TFDP2: variants seen among roughly 807,000 people sequenced by gnomAD.
The protein encoded by TFDP2 is transcription factor Dp-2.
TFDP2 carries 17 observed loss-of-function variants against 59.3 expected under a neutral mutation model. The ratio of observed to expected loss-of-function variants is 0.29; its 90% CI spans 0.20 to 0.43. The LOEUF is 0.43. TFDP2 is among the 20% of genes least tolerant of loss of function. The pLI is 1.00. For synonymous variants in TFDP2, 180 were observed against 194.7 expected, an observed-to-expected ratio of 0.92 and a Z score of 0.63; for missense variants, 391 against 528.8, an observed-to-expected ratio of 0.74 and a Z score of 2.56.
chr3:141,988,167 A>T (rs1942338921), intron 6 of TFDP2, among the ~76,000 whole-genome samples: 1 of 152,022 alleles, frequency 6.6e-6, no homozygotes, highest in African/African-American at 2.4e-5. Flanking sequence ...GCTAGTCTCG[A>T]ATTCTTGGGC....
chr3:142,076,814 A>C (rs868684373), intron 3 of TFDP2, among the ~76,000 whole-genome samples: 48 of 152,344 alleles, frequency 3.2e-4, no homozygotes, highest in Admixed American at 5.2e-4. Flanking sequence ...GCCTCTACCC[A>C]TGGTCCCTCC....
In TFDP2 at chr3:141,949,807, AT is replaced by A. The variant is rs759658026; in HGVS notation, c.*2705del. The A allele has an allele frequency of 3.5e-4, 34 of 98,010 alleles. No homozygotes were observed. Among genetic ancestry groups the A allele is most frequent in the East Asian group, 1.2e-3 (4 of 3,256 alleles). The allele number at this position is 98,010 out of a possible 1,614,324, so 6.1% of individuals were successfully genotyped here. A position where few individuals can be genotyped will look rare whatever the true frequency, so the allele number is the denominator to read the frequency against. On this transcript the variant is annotated 3_prime_UTR_variant, in exon 13 of 13. Coordinates refer to ENST00000489671, the MANE Select transcript of TFDP2 (RefSeq NM_001178139.2). The stretch of plus-strand genomic sequence containing the variant: ...CCTGGGCATTGTGACCACAACTTCC[AT>A]TTTTTTTTTTTTTTTTTTTGAGACA...
intron 4 of TFDP2, among the ~76,000 whole-genome samples, chr3:141,996,609 T>C (rs545024675): frequency 1.3e-5 from 2 of 152,350 alleles, no homozygotes; most frequent in Non-Finnish European, 1.5e-5. Context: ...ACTTGCTCCA[T>C]ACATAACTGA....
At chr3:141,978,801 T>A in intron 6 of TFDP2, 119 bp from the exon 7 acceptor site, 1 of 721,446 alleles carries the variant, frequency 1.4e-6, no homozygotes, top group Non-Finnish European at 2.1e-6. Context: ...GTCAAAAATT[T>A]AAATTGAATA....
At chr3:142,048,717 C>T (rs1038523934) in intron 3 of TFDP2, among the ~76,000 whole-genome samples, 6 of 152,076 alleles carry the variant, frequency 3.9e-5, no homozygotes, top group African/African-American at 1.4e-4. Flanking sequence ...AGGAGTATGC[C>T]ACCATGCCTG....
intron 3 of TFDP2, among the ~76,000 whole-genome samples, chr3:142,041,833 T>C (rs1298123229): frequency 6.6e-6 from 1 of 152,234 alleles, no homozygotes; most frequent in African/African-American, 2.4e-5. Flanking sequence ...GTTAATTTTT[T>C]GTGAAAGGTA....
chr3:142,081,184 T>C (rs2060627633), intron 3 of TFDP2, among the ~76,000 whole-genome samples: 3 of 152,144 alleles, frequency 2.0e-5, no homozygotes, highest in African/African-American at 7.2e-5. Flanking sequence ...CAAGAGGAAT[T>C]CTAGAAACTG....
chr3:142,140,764 C>T (rs1416567568), intron 1 of TFDP2, among the ~76,000 whole-genome samples: 1 of 152,154 alleles, frequency 6.6e-6, no homozygotes, highest in Non-Finnish European at 1.5e-5. Context: ...AGCTTCGTCC[C>T]AGGGGGGCAC....
intron 3 of TFDP2, among the ~76,000 whole-genome samples, chr3:142,087,561 T>C (rs11717306): frequency 0.085 from 12,861 of 151,572 alleles, 687 homozygotes; most frequent in Middle Eastern, 0.14. Context: ...AGTTCAGTGG[T>C]ACGATCTCAG....
In TFDP2 at chr3:141,944,768, A is replaced by C. The variant is rs968666902; in HGVS notation, c.*7745T>G. The C allele has an allele frequency of 6.6e-6, 1 of 152,240 alleles. No individual in the cohort carries two copies. Among genetic ancestry groups the C allele is most frequent in the Non-Finnish European group, 1.5e-5 (1 of 68,046 alleles). 9.4% of individuals were successfully genotyped at this position (152,240 alleles called of 1,614,324 possible). A position where few individuals can be genotyped will look rare whatever the true frequency, so the allele number is the denominator to read the frequency against. ...GACTTGTCTGTTATCTACCAGAAGC[A>C]ATTTCAGAAAATCAGGAGTAATTAC... On this transcript the variant is annotated 3_prime_UTR_variant, in exon 13 of 13. Coordinates refer to ENST00000489671, the MANE Select transcript of TFDP2 (RefSeq NM_001178139.2).
At chr3:141,978,955 T>C (rs1223170299) in intron 6 of TFDP2, among the ~76,000 whole-genome samples, 6 of 152,250 alleles carry the variant, frequency 3.9e-5, no homozygotes, top group South Asian at 4.1e-4. Flanking sequence ...GATACTGTTA[T>C]TGACACTGAG....
intron 10 of TFDP2, among the ~76,000 whole-genome samples, chr3:141,962,700 C>T (rs1014096348): frequency 3.3e-5 from 5 of 152,096 alleles, no homozygotes; most frequent in Non-Finnish European, 2.9e-5. Context: ...TGGAGTGGCC[C>T]GGAATCTCTG....
intron 3 of TFDP2, among the ~76,000 whole-genome samples, chr3:142,035,188 T>C (rs1186690861): frequency 6.6e-6 from 1 of 152,196 alleles, no homozygotes; most frequent in Non-Finnish European, 1.5e-5. Context: ...TGAATTACCA[T>C]TAGGAGTGAA....
chr3:141,980,411 A>T (rs1316545379), intron 6 of TFDP2, among the ~76,000 whole-genome samples: 4 of 152,048 alleles, frequency 2.6e-5, no homozygotes, highest in Non-Finnish European at 5.9e-5. Flanking sequence ...GAACATTCCA[A>T]TTCCATTCCT....
chr3:142,054,201 A>C (rs920361341), intron 3 of TFDP2: 1 of 152,252 alleles, frequency 6.6e-6, no homozygotes, highest in Non-Finnish European at 1.5e-5. Flanking sequence ...TTGAATGTTC[A>C]CAGCAGTTTT....
At chr3:141,964,105 A>T in intron 9 of TFDP2, 142 bp from the exon 10 acceptor site, 1 of 718,312 alleles carries the variant, frequency 1.4e-6, no homozygotes, top group East Asian at 2.9e-5. Flanking sequence ...TAATTTAAAA[A>T]ATTAAACATT....
At chr3:142,066,516 T>C (rs2060078735) in intron 3 of TFDP2, among the ~76,000 whole-genome samples, 1 of 152,246 alleles carries the variant, frequency 6.6e-6, no homozygotes. Flanking sequence ...GAATAACTCA[T>C]GTAATTTATT....
chr3:142,129,628 A>C (rs775457251), intron 1 of TFDP2, among the ~76,000 whole-genome samples: 4 of 152,136 alleles, frequency 2.6e-5, no homozygotes, highest in Non-Finnish European at 4.4e-5. Flanking sequence ...GAACCCAAAC[A>C]ACCAGATTAA....
chr3:141,968,992 CAT>C lies in TFDP2; in HGVS notation c.732+1079_732+1080del, dbSNP rs1306685389. On this transcript the variant is annotated intron_variant, in intron 9 of 12. Coordinates refer to ENST00000489671, the MANE Select transcript of TFDP2 (RefSeq NM_001178139.2). ...ATCTCATATATATAGATATATATAACATATATCTCATATATATAGATATATAT... is the reference window on the plus strand; with the variant it reads ...ATCTCATATATATAGATATATATAACATATCTCATATATATAGATATATAT... Among the ~76,000 whole-genome samples, 15 of 86,510 alleles carry C rather than the reference CAT, an allele frequency of 1.7e-4. 1 individual carries two copies. Among genetic ancestry groups the C allele is most frequent in the East Asian group, 9.1e-4 (3 of 3,312 alleles). 56.8% of individuals were successfully genotyped at this position (86,510 alleles called of 152,430 possible).
Sources: allele counts gnomAD v4.1 joint callset (sites outside exome capture counted in the v4.1 genomes callset), GRCh38; gene constraint gnomAD v4.1.1; transcripts MANE v1.5; gene names NCBI Gene and HGNC (gene_info 2026-07-23, HGNC 2026-07-21).